The following UST variants were observed in gnomAD, a reference collection of about 807,000 sequenced individuals.
The protein encoded by UST is uronyl 2-sulfotransferase.
Under a neutral mutation model 45.6 loss-of-function variants are expected in UST, and 21 were observed. The ratio of observed to expected loss-of-function variants is 0.46; its 90% CI spans 0.33 to 0.66. The LOEUF (loss-of-function observed/expected upper bound fraction) is 0.66, where lower values mean the gene tolerates loss of function less well. UST is among the 30% of genes least tolerant of loss of function. The pLI, the probability that UST is intolerant of heterozygous loss-of-function variation, is 0.02. For synonymous variants in UST, 215 were observed against 200.6 expected (o/e 1.07, Z -0.61); for missense variants, 463 against 512.4 (o/e 0.90, Z 0.93).
At chr6:148,853,124 A>G (rs1778137370) in intron 1 of UST, among the ~76,000 whole-genome samples, 1 of 151,880 alleles carries the variant, frequency 6.6e-6, no homozygotes, top group East Asian at 1.9e-4. Flanking sequence ...CTCCCCCAAC[A>G]GGCCCCTGTG....
intron 2 of UST, among the ~76,000 whole-genome samples, chr6:148,923,554 AG>A (rs758388402): frequency 4.6e-5 from 7 of 152,202 alleles, no homozygotes; most frequent in Non-Finnish European, 8.8e-5. Flanking sequence ...TCTGTGTTTC[AG>A]GGATATAAGC....
chr6:148,918,532 C>A (rs1308153130), intron 2 of UST, among the ~76,000 whole-genome samples: 3 of 152,148 alleles, frequency 2.0e-5, no homozygotes, highest in African/African-American at 7.2e-5. Context: ...ATAGGGCCAT[C>A]ATCTTTAGAT....
chr6:148,777,432 C>A (rs934365850), intron 1 of UST, among the ~76,000 whole-genome samples: 1 of 152,178 alleles, frequency 6.6e-6, no homozygotes, highest in Admixed American at 6.5e-5. Context: ...TTTTAATTGA[C>A]TTTTATTGTA....
At chr6:148,903,441 T>C (rs1271814048) in intron 2 of UST, among the ~76,000 whole-genome samples, 1 of 152,242 alleles carries the variant, frequency 6.6e-6, no homozygotes, top group Non-Finnish European at 1.5e-5. Context: ...AAGATACATA[T>C]TCTTTATCAT....
intron 5 of UST, among the ~76,000 whole-genome samples, chr6:149,009,577 A>ACACACACG (rs962186516): frequency 2.1e-5 from 3 of 142,058 alleles, no homozygotes; most frequent in Non-Finnish European, 4.7e-5. Flanking sequence ...ACACACACAC[A>ACACACACG]CACACATAGA....
chr6:148,944,710 AT>A (rs1375069265), intron 3 of UST, among the ~76,000 whole-genome samples: 10 of 152,240 alleles, frequency 6.6e-5, no homozygotes, highest in African/African-American at 2.4e-4. Context: ...TTTGGGAAAT[AT>A]CACCTCAACA....
At chr6:149,010,913 A>AAACAAAAAAC (rs1554234078) in intron 5 of UST, among the ~76,000 whole-genome samples, 4 of 93,002 alleles carry the variant, frequency 4.3e-5, no homozygotes, top group African/African-American at 1.3e-4. Context: ...AAAAAAAAAA[A>AAACAAAAAAC]AAAAAACTGT....
At chr6:148,939,111 T>G (rs960764321) in intron 2 of UST, among the ~76,000 whole-genome samples, 1 of 152,134 alleles carries the variant, frequency 6.6e-6, no homozygotes, top group Non-Finnish European at 1.5e-5. Flanking sequence ...GAATTCTATT[T>G]ATAATGACAT....
chr6:148,878,729 A>T (rs1778769254), intron 1 of UST, among the ~76,000 whole-genome samples: 2 of 63,846 alleles, frequency 3.1e-5, no homozygotes, highest in Admixed American at 3.3e-4. Context: ...AGTGCAGGGG[A>T]TCATGTATGA....
At chr6:148,989,807 A>G (rs1781312802) in intron 5 of UST, among the ~76,000 whole-genome samples, 1 of 152,220 alleles carries the variant, frequency 6.6e-6, no homozygotes, top group African/African-American at 2.4e-5. Flanking sequence ...TTCCTCAAAT[A>G]AAGGAGTCAG....
intron 1 of UST, among the ~76,000 whole-genome samples, chr6:148,796,309 C>A (rs1050142840): frequency 1.1e-4 from 17 of 152,098 alleles, no homozygotes; most frequent in African/African-American, 3.9e-4. Flanking sequence ...AGAAACATTT[C>A]TTGATAATTG....
rs73778928 is a variant in UST at position 148,869,769 on chromosome 6, C to T, written c.248-17217C>T. Reference sequence around the variant, plus strand: ...ATCCGGTAGAATGTTCCTTCTTACCCGTTTCCCTAAAGCATGAGAAGAATT... The same window carrying T: ...ATCCGGTAGAATGTTCCTTCTTACCTGTTTCCCTAAAGCATGAGAAGAATT... On this transcript the variant is annotated intron_variant, in intron 1 of 7. Coordinates refer to ENST00000367463, the MANE Select transcript of UST (RefSeq NM_005715.3). 4.5e-3 allele frequency among the ~76,000 whole-genome samples: 681 copies of T among 152,268 alleles called. 6 individuals carry two copies. Among genetic ancestry groups the T allele is most frequent in the African/African-American group, 0.016 (663 of 41,564 alleles).
At chr6:148,889,208 T>C (rs1425491421) in intron 2 of UST, among the ~76,000 whole-genome samples, 3 of 152,246 alleles carry the variant, frequency 2.0e-5, no homozygotes. Context: ...ATGATGCTGA[T>C]GCTGTCAGTC....
chr6:148,945,464 CTT>C (rs1018556022), intron 3 of UST, among the ~76,000 whole-genome samples: 3 of 152,134 alleles, frequency 2.0e-5, no homozygotes, highest in African/African-American at 7.2e-5. Flanking sequence ...GCCCAGAAAA[CTT>C]TTTCTTTAAT....
chr6:148,910,720 G>A (rs939080812), intron 2 of UST, among the ~76,000 whole-genome samples: 4 of 152,160 alleles, frequency 2.6e-5, no homozygotes, highest in African/African-American at 9.7e-5. Flanking sequence ...GTGCAAAAAT[G>A]TAACATTATG....
chr6:149,058,877 A>G (rs1776610527), intron 7 of UST, among the ~76,000 whole-genome samples: 1 of 152,186 alleles, frequency 6.6e-6, no homozygotes, highest in East Asian at 1.9e-4. Flanking sequence ...TTTTAGTGGT[A>G]AAAACTGTGC....
chr6:148,796,135 C>T (rs746775554), intron 1 of UST, among the ~76,000 whole-genome samples: 4 of 152,066 alleles, frequency 2.6e-5, no homozygotes, highest in Non-Finnish European at 4.4e-5. Flanking sequence ...AGTTTTGAAT[C>T]CTCATCCTCT....
chr6:148,767,166 C>T (rs1036144673), intron 1 of UST, among the ~76,000 whole-genome samples: 4 of 152,158 alleles, frequency 2.6e-5, no homozygotes, highest in Non-Finnish European at 2.9e-5. Context: ...ATAATGAATA[C>T]CTGTAAACAA....
intron 5 of UST, among the ~76,000 whole-genome samples, chr6:149,010,625 T>C (rs561763579): frequency 6.6e-6 from 1 of 152,168 alleles, no homozygotes; most frequent in East Asian, 1.9e-4. Context: ...CCGGGTCCAG[T>C]GGCTCATGCC....
Sources: gnomAD v4.1 joint callset for allele counts (sites outside exome capture counted in the v4.1 genomes callset) on GRCh38, gnomAD v4.1.1 for gene constraint, MANE v1.5 for transcripts, NCBI Gene and HGNC (gene_info 2026-07-23, HGNC 2026-07-21) for gene names.